ZSCAN5A: variants seen among roughly 807,000 people sequenced by gnomAD.
The protein encoded by ZSCAN5A is zinc finger and SCAN domain containing 5A, also known as zinc finger and SCAN domain-containing protein 5A.
In ZSCAN5A, 12 loss-of-function variants were observed where a neutral mutation model predicts 23.7. The ratio of observed to expected loss-of-function variants is 0.51; its 90% CI spans 0.32 to 0.82. ZSCAN5A has a LOEUF of 0.82. ZSCAN5A is among the 40% of genes least tolerant of loss of function. The pLI, the probability that ZSCAN5A is intolerant of heterozygous loss-of-function variation, is 0.03. For synonymous variants in ZSCAN5A, 257 were observed against 239.9 expected, an observed-to-expected ratio of 1.07 and a Z score of -0.66; for missense variants, 597 against 617.9, an observed-to-expected ratio of 0.97 and a Z score of 0.36.
rs10410617 is a variant in ZSCAN5A, at chr19:56,239,955, A to T, written c.-127-14782T>A. 3.9e-3 allele frequency among the ~76,000 whole-genome samples: 589 copies of T among 151,804 alleles called. 1 individual carries two copies. The highest frequency in any genetic ancestry group is 0.014 in the African/African-American group (567 of 41,400). On this transcript the variant is annotated intron_variant, in intron 2 of 5. Coordinates refer to ENST00000683990, the MANE Select transcript of ZSCAN5A (RefSeq NM_001322064.3). ...GAGGTGGGCAGATCACTAGGTCAGG[A>T]GTTCAAGACCAGCCTGGCCAACATG...
At position 56,221,530 on chromosome 19, in the gene ZSCAN5A, C is replaced by G. The variant is rs536449963; in HGVS notation, c.*45G>C. ...ATCTGATAACATTGATGAAAAATAT[C>G]ATTCACTTCTTCTTGGTGCAGAAGG... On this transcript the variant is annotated 3_prime_UTR_variant, in exon 6 of 6. Transcript: ENST00000683990. The G allele has an allele frequency of 2.0e-5, 31 of 1,525,966 alleles. No individual in the cohort carries two copies. The East Asian group carries it at 6.6e-4, about 32-fold the overall frequency. 94.5% of individuals were successfully genotyped at this position (1,525,966 alleles called of 1,614,324 possible). A position where few individuals can be genotyped will look rare whatever the true frequency, so the allele number is the denominator to read the frequency against.
At chr19:56,264,966 AC>A (rs1391871685) in intron 2 of ZSCAN5A, among the ~76,000 whole-genome samples, 1 of 152,028 alleles carries the variant, frequency 6.6e-6, no homozygotes, top group Non-Finnish European at 1.5e-5. Context: ...TACTACAAAT[AC>A]AAAAATTAGC....
intron 2 of ZSCAN5A, among the ~76,000 whole-genome samples, chr19:56,333,938 AGCCATT>A (rs1358195189): frequency 6.6e-6 from 1 of 152,154 alleles, no homozygotes; most frequent in East Asian, 1.9e-4. Flanking sequence ...GATGAGAAGA[AGCCATT>A]GTAAGAATTC....
intron 2 of ZSCAN5A, among the ~76,000 whole-genome samples, chr19:56,341,764 A>G (rs1423594616): frequency 6.6e-6 from 1 of 151,390 alleles, no homozygotes; most frequent in East Asian, 2.0e-4. Flanking sequence ...GTTCAAAGGA[A>G]ACATTTCCTT....
chr19:56,259,485 C>T (rs931151445), intron 2 of ZSCAN5A, among the ~76,000 whole-genome samples: 30 of 152,192 alleles, frequency 2.0e-4, no homozygotes, highest in African/African-American at 6.8e-4. Context: ...TCATGCCTCT[C>T]GTTTACCCGT....
chr19:56,316,096 G>A (rs1013243442), upstream of ZSCAN5A: 3 of 152,256 alleles, frequency 2.0e-5, no homozygotes, highest in South Asian at 2.1e-4. Flanking sequence ...CTGGAATTCC[G>A]GAAACCTGTC....
intron 2 of ZSCAN5A, among the ~76,000 whole-genome samples, chr19:56,322,844 G>GT (rs2041390881): frequency 6.7e-6 from 1 of 149,332 alleles, no homozygotes; most frequent in Non-Finnish European, 1.5e-5. Flanking sequence ...TATGTAAATA[G>GT]TTGTTAGACT....
chr19:56,319,783 C>G, upstream of ZSCAN5A: 1 of 772,450 alleles, frequency 1.3e-6, no homozygotes, highest in Non-Finnish European at 2.4e-6. Context: ...CCCGGTCCCT[C>G]CTGTAACTAT....
At chr19:56,302,581 C>T (rs1342108691) in intron 2 of ZSCAN5A, among the ~76,000 whole-genome samples, 4 of 39,990 alleles carry the variant, frequency 1.0e-4, no homozygotes, top group Non-Finnish European at 1.6e-4. Context: ...TTCTTCCTCC[C>T]CCTTTTCTTC....
intron 2 of ZSCAN5A, among the ~76,000 whole-genome samples, chr19:56,253,569 TC>T (rs2036500929): frequency 6.6e-6 from 1 of 152,112 alleles, no homozygotes. Context: ...AACAAGTGGC[TC>T]CCATCGGTGT....
intron 2 of ZSCAN5A, among the ~76,000 whole-genome samples, chr19:56,349,761 A>G (rs995579982): frequency 6.6e-6 from 1 of 151,712 alleles, no homozygotes; most frequent in Non-Finnish European, 1.5e-5. Context: ...AAATCATAAA[A>G]GATAAGTAAC....
At position 56,225,231 on chromosome 19, in the gene ZSCAN5A, C is replaced by T. The variant is rs1400959398; in HGVS notation, c.-127-58G>A. Reference sequence around the variant, plus strand: ...AAGTTACTACTCCATCCATCCCTCCCTTCGAAATCCCTCATCCTGGATGCC... The same window carrying T: ...AAGTTACTACTCCATCCATCCCTCCTTTCGAAATCCCTCATCCTGGATGCC... On this transcript the variant is annotated intron_variant, in intron 2 of 5. Transcript: ENST00000683990. The T allele has an allele frequency of 2.2e-6, 3 of 1,390,220 alleles. No individual in the cohort carries two copies. The African/African-American group carries it at 4.3e-5, about 20-fold the overall frequency. 86.1% of individuals were successfully genotyped at this position (1,390,220 alleles called of 1,614,324 possible).
intron 2 of ZSCAN5A, among the ~76,000 whole-genome samples, chr19:56,308,190 C>T (rs891474258): frequency 2.6e-5 from 4 of 152,176 alleles, no homozygotes; most frequent in Non-Finnish European, 2.9e-5. Flanking sequence ...AGTGCCACCA[C>T]GCCCAGCTAA....
intron 2 of ZSCAN5A, among the ~76,000 whole-genome samples, chr19:56,303,900 T>G (rs1215980707): frequency 2.0e-5 from 3 of 152,030 alleles, no homozygotes; most frequent in Non-Finnish European, 4.4e-5. Context: ...AAAGCAGGCA[T>G]GCACAGCAGA....
At chr19:56,244,427 G>T in intron 2 of ZSCAN5A, 1 of 1,579,756 alleles carries the variant, frequency 6.3e-7, no homozygotes, top group Non-Finnish European at 8.6e-7. Flanking sequence ...CAAGAAATGG[G>T]TGAGTGGGAC....
chr19:56,278,161 G>A (rs547590132), intron 2 of ZSCAN5A, among the ~76,000 whole-genome samples: 100 of 150,120 alleles, frequency 6.7e-4, no homozygotes, highest in Admixed American at 8.7e-4. Flanking sequence ...TTGCTCTGTC[G>A]CCCAGGCTGG....
intron 2 of ZSCAN5A, chr19:56,285,090 T>C (rs565452216): frequency 4.2e-5 from 35 of 833,554 alleles, no homozygotes; most frequent in South Asian, 5.5e-5. Context: ...TGTAGACTTA[T>C]TGAGTCATTT....
intron 3 of ZSCAN5A, 84 bp from the exon 4 acceptor site, chr19:56,223,918 A>C: frequency 8.3e-7 from 1 of 1,206,506 alleles, no homozygotes; most frequent in Non-Finnish European, 1.2e-6. Flanking sequence ...CATAATGCTC[A>C]CACTTTACTG....
At chr19:56,357,570 C>A (rs1387128013) in intron 2 of ZSCAN5A, among the ~76,000 whole-genome samples, 1 of 147,534 alleles carries the variant, frequency 6.8e-6, no homozygotes, top group Non-Finnish European at 1.5e-5. Flanking sequence ...AGATCTTAAT[C>A]CTTCTGTCCA....
Sources: allele counts gnomAD v4.1 joint callset (sites outside exome capture counted in the v4.1 genomes callset), GRCh38; gene constraint gnomAD v4.1.1; transcripts MANE v1.5; gene names NCBI Gene and HGNC (gene_info 2026-07-23, HGNC 2026-07-21).